The following PAWR variants were observed in gnomAD, a reference collection of about 807,000 sequenced individuals.
PAWR encodes the protein pro-apoptotic WT1 regulator.
PAWR carries 23 observed loss-of-function variants against 32.0 expected under a neutral mutation model. The observed-to-expected ratio is 0.72, with a 90% CI of 0.52 to 1.02. PAWR has a LOEUF of 1.02. PAWR is among the 50% of genes least tolerant of loss of function. The pLI is 0.00. For missense variants in PAWR, 457 were observed against 437.7 expected (o/e 1.04, Z -0.39); for synonymous variants, 226 against 187.1 (o/e 1.21, Z -1.70).
At chr12:79,617,368 A>G (rs1003523621) in intron 3 of PAWR, among the ~76,000 whole-genome samples, 1 of 152,140 alleles carries the variant, frequency 6.6e-6, no homozygotes, top group South Asian at 2.1e-4. Flanking sequence ...CAACAACAAA[A>G]AAAACTTTTA....
chr12:79,594,197 T>G, intron 6 of PAWR, 132 bp downstream of exon 6: 2 of 539,766 alleles, frequency 3.7e-6, no homozygotes, highest in Non-Finnish European at 6.5e-6. Flanking sequence ...AAATGATACC[T>G]CTTACTAATT....
rs892362034 is a variant in PAWR at position 79,585,218 on chromosome 12, A to C, written c.*7389T>G. ...TTATTTCTACAATGTCCAAAAAGAAAGACCAAGATCTTTGCTTAAAAATAG... is the reference window on the plus strand; with the variant it reads ...TTATTTCTACAATGTCCAAAAAGAACGACCAAGATCTTTGCTTAAAAATAG... On this transcript the variant is annotated 3_prime_UTR_variant, in exon 7 of 7. Transcript: ENST00000328827. The C allele has an allele frequency of 1.1e-5, 5 of 440,330 alleles. No homozygotes were observed. The highest frequency in any genetic ancestry group is 2.2e-5 in the Non-Finnish European group (5 of 222,608). 27.3% of individuals were successfully genotyped at this position (440,330 alleles called of 1,614,324 possible). A position where few individuals can be genotyped will look rare whatever the true frequency, so the allele number is the denominator to read the frequency against.
At chr12:79,674,218 G>C (rs985456235) in intron 2 of PAWR, among the ~76,000 whole-genome samples, 3 of 152,018 alleles carry the variant, frequency 2.0e-5, no homozygotes, top group African/African-American at 7.2e-5. Flanking sequence ...TGGACCAATG[G>C]AGCAGGTCAG....
At chr12:79,606,225 G>A (rs901210060) in intron 4 of PAWR, among the ~76,000 whole-genome samples, 5 of 152,250 alleles carry the variant, frequency 3.3e-5, no homozygotes, top group African/African-American at 4.8e-5. Flanking sequence ...GGATATGAAC[G>A]GTATGAAGTT....
At chr12:79,689,586 C>A (rs1565709563) in intron 2 of PAWR, 143 bp downstream of exon 2, 1 of 899,384 alleles carries the variant, frequency 1.1e-6, no homozygotes, top group Non-Finnish European at 1.6e-6. Context: ...AACTCCATCA[C>A]CCCCTGCCTG....
At position 79,592,699 on chromosome 12, in the gene PAWR, G is replaced by T. The variant is rs1173609661; in HGVS notation, c.937-6C>A. On this transcript the variant is annotated splice_region_variant and splice_polypyrimidine_tract_variant and intron_variant, in intron 6 of 6. Transcript: ENST00000328827. ...TCTTCTATGTCATCTAGGTCCTTAA[G>T]AAAAAAAAAAGACACTTTAAAAATA... 1 of 603,948 alleles carries T rather than the reference G, an allele frequency of 1.7e-6. No individual in the cohort carries two copies. 37.4% of individuals were successfully genotyped at this position (603,948 alleles called of 1,614,324 possible). A position where few individuals can be genotyped will look rare whatever the true frequency, so the allele number is the denominator to read the frequency against.
intron 2 of PAWR, among the ~76,000 whole-genome samples, chr12:79,621,591 A>G (rs1875018004): frequency 6.6e-6 from 1 of 152,206 alleles, no homozygotes. Context: ...AGTAGGAAAG[A>G]TAATACATAT....
chr12:79,598,050 A>G (rs1873828190), intron 4 of PAWR: 1 of 152,280 alleles, frequency 6.6e-6, no homozygotes. Context: ...ACCACATGGC[A>G]GCTGGCTTCC....
At chr12:79,689,589 C>T in intron 2 of PAWR, 140 bp downstream of exon 2, 4 of 928,112 alleles carry the variant, frequency 4.3e-6, no homozygotes, top group Non-Finnish European at 6.2e-6. Context: ...TCCATCACCC[C>T]CTGCCTGCCT....
intron 2 of PAWR, among the ~76,000 whole-genome samples, chr12:79,645,055 CACACACACACACAA>C (rs1314883638): frequency 2.0e-5 from 3 of 151,844 alleles, no homozygotes; most frequent in Admixed American, 2.0e-4. Flanking sequence ...CACACACACA[CACACACACACACAA>C]AAATCAATGT....
chr12:79,611,352 T>C (rs1874433766), intron 4 of PAWR, among the ~76,000 whole-genome samples: 1 of 149,268 alleles, frequency 6.7e-6, no homozygotes, highest in Admixed American at 6.7e-5. Flanking sequence ...GTTATATATA[T>C]ATAAAAAATA....
chr12:79,608,570 G>A (rs1301301936), intron 4 of PAWR, among the ~76,000 whole-genome samples: 1 of 152,140 alleles, frequency 6.6e-6, no homozygotes, highest in Non-Finnish European at 1.5e-5. Context: ...TGAGGGGTGG[G>A]GACCCCTGGC....
At chr12:79,604,494 T>C in intron 4 of PAWR, 1 of 1,130,168 alleles carries the variant, frequency 8.8e-7, no homozygotes, top group Non-Finnish European at 1.1e-6. Flanking sequence ...ATAGACATTA[T>C]AAAGCTTAGC....
Position 79,588,708 on chromosome 12 carries a change from C to G in PAWR, c.*3899G>C, listed in dbSNP as rs945680912. Reference sequence around the variant, plus strand: ...GTAACACCTGTAATAGTATTTAATACAGCTCCCACATACTATATTCCTCTC... The same window carrying G: ...GTAACACCTGTAATAGTATTTAATAGAGCTCCCACATACTATATTCCTCTC... On this transcript the variant is annotated 3_prime_UTR_variant, in exon 7 of 7. Coordinates refer to ENST00000328827, the MANE Select transcript of PAWR (RefSeq NM_002583.4). 6.6e-6 allele frequency: 1 copy of G among 151,900 alleles called. No individual in the cohort carries two copies. Among genetic ancestry groups the G allele is most frequent in the Non-Finnish European group, 1.5e-5 (1 of 67,878 alleles). The allele number at this position is 151,900 out of a possible 1,614,324, so 9.4% of individuals were successfully genotyped here.
At chr12:79,665,437 T>C (rs1334628196) in intron 2 of PAWR, among the ~76,000 whole-genome samples, 2 of 152,232 alleles carry the variant, frequency 1.3e-5, no homozygotes, top group African/African-American at 4.8e-5. Flanking sequence ...AACTGCCAAA[T>C]ATTTTAAGAT....
chr12:79,600,905 A>ACTTG (rs1873937026), intron 4 of PAWR, among the ~76,000 whole-genome samples: 1 of 152,146 alleles, frequency 6.6e-6, no homozygotes, highest in Non-Finnish European at 1.5e-5. Flanking sequence ...TCCTGTTCGC[A>ACTTG]GAGTAATCCA....
rs567841987 is a variant in PAWR, at chr12:79,600,565, C to G, written c.684-3907G>C. On this transcript the variant is annotated intron_variant, in intron 4 of 6. Transcript: ENST00000328827. ...ATGGCTCACTGCAGCCTTGAAACCT[C>G]AAAACTCCTAGGCTCAAGTGATCCT... Among the ~76,000 whole-genome samples the G allele has an allele frequency of 1.7e-3, 250 of 149,762 alleles. 1 individual carries two copies. The highest frequency in any genetic ancestry group is 3.4e-3 in the Middle Eastern group (1 of 292).
intron 4 of PAWR, among the ~76,000 whole-genome samples, chr12:79,607,137 G>A (rs1249706960): frequency 6.6e-6 from 1 of 151,940 alleles, no homozygotes; most frequent in East Asian, 1.9e-4. Context: ...AGAAATAATA[G>A]ATCTTGCCAG....
chr12:79,632,324 T>C (rs376704270), intron 2 of PAWR, among the ~76,000 whole-genome samples: 3,461 of 26,594 alleles, frequency 0.13, 610 homozygotes, highest in East Asian at 0.2. Flanking sequence ...TATATATATA[T>C]ATATATATAT....
Sources: allele counts gnomAD v4.1 joint callset (sites outside exome capture counted in the v4.1 genomes callset), GRCh38; gene constraint gnomAD v4.1.1; transcripts MANE v1.5; gene names NCBI Gene and HGNC (gene_info 2026-07-23, HGNC 2026-07-21).